The following MAGI2 variants were observed in gnomAD, a reference collection of about 807,000 sequenced individuals.
MAGI2 encodes membrane associated guanylate kinase, WW and PDZ domain containing 2.
Under a neutral mutation model 133.3 loss-of-function variants are expected in MAGI2, and 35 were observed. That is an observed-to-expected ratio of 0.26 (90% CI 0.20 to 0.35). MAGI2 has a LOEUF of 0.35. Ranked by LOEUF, MAGI2 falls within the 10% of genes least tolerant of loss-of-function variation. MAGI2 has a pLI of 1.00. For missense variants in MAGI2, 1,636 were observed against 1,863.4 expected (o/e 0.88, Z 2.25); for synonymous variants, 729 against 710.6 (o/e 1.03, Z -0.41).
rs1297490619 is a variant in MAGI2, at chr7:78,133,007, G to GCGCCATGGGACTCTGCTT, written c.3067_3084dup (p.Lys1023_Ala1028dup). On this transcript the variant is annotated inframe_insertion, in exon 18 of 22. Transcript: ENST00000354212. ...CTCTGCTGTGCCAGGGGACTCTGCT[G>GCGCCATGGGACTCTGCTT]CGCCATGGGACTCTGCTTCTCTGAG... The GCGCCATGGGACTCTGCTT allele has an allele frequency of 6.2e-7, 1 of 1,606,590 alleles. No homozygotes were observed. Among genetic ancestry groups the GCGCCATGGGACTCTGCTT allele is most frequent in the Non-Finnish European group, 8.5e-7 (1 of 1,177,416 alleles).
At chr7:78,466,020 T>G (rs766447149) in intron 6 of MAGI2, among the ~76,000 whole-genome samples, 1 of 152,190 alleles carries the variant, frequency 6.6e-6, no homozygotes, top group African/African-American at 2.4e-5. Context: ...CCTGACCTCT[T>G]TCATGGACCA....
intron 1 of MAGI2, among the ~76,000 whole-genome samples, chr7:79,323,150 G>A (rs1050990356): frequency 5.9e-5 from 9 of 151,996 alleles, no homozygotes; most frequent in South Asian, 2.1e-4. Context: ...TTTAAATGAC[G>A]TCCTCCTTCA....
At chr7:79,344,617 G>A (rs1841171027) in intron 1 of MAGI2, among the ~76,000 whole-genome samples, 2 of 152,160 alleles carry the variant, frequency 1.3e-5, no homozygotes, top group African/African-American at 4.8e-5. Context: ...AAGACAGTGA[G>A]TACCTAAATT....
chr7:79,087,812 G>A (rs1816664807), intron 1 of MAGI2, among the ~76,000 whole-genome samples: 1 of 152,008 alleles, frequency 6.6e-6, no homozygotes, highest in African/African-American at 2.4e-5. Flanking sequence ...TTGTAGATGT[G>A]TGGTGTTATT....
intron 2 of MAGI2, among the ~76,000 whole-genome samples, chr7:78,851,130 A>T (rs1444562356): frequency 6.6e-6 from 1 of 152,086 alleles, no homozygotes; most frequent in Non-Finnish European, 1.5e-5. Context: ...CGTAGAGAAG[A>T]TAAGAAAATA....
intron 1 of MAGI2, among the ~76,000 whole-genome samples, chr7:79,115,704 T>C (rs1021983165): frequency 3.3e-5 from 5 of 152,094 alleles, no homozygotes; most frequent in South Asian, 2.1e-4. Context: ...AGACTCCTAA[T>C]AGATTTTTTT....
chr7:79,357,813 G>C (rs1842124075), intron 1 of MAGI2, among the ~76,000 whole-genome samples: 1 of 151,964 alleles, frequency 6.6e-6, no homozygotes, highest in Non-Finnish European at 1.5e-5. Flanking sequence ...TAACCTCTTT[G>C]AATTTTATTT....
intron 20 of MAGI2, among the ~76,000 whole-genome samples, chr7:78,110,765 A>G (rs1819280072): frequency 6.6e-6 from 1 of 152,212 alleles, no homozygotes; most frequent in Non-Finnish European, 1.5e-5. Flanking sequence ...TCTGAGTTCA[A>G]CACAGCCAGA....
intron 9 of MAGI2, among the ~76,000 whole-genome samples, chr7:78,320,071 C>A (rs1212014079): frequency 1.3e-5 from 2 of 152,094 alleles, no homozygotes; most frequent in African/African-American, 2.4e-5. Context: ...CGAGTCTAAA[C>A]CAGGAAGAAT....
chr7:78,530,859 G>T (rs558130625), intron 3 of MAGI2, among the ~76,000 whole-genome samples: 188 of 152,196 alleles, frequency 1.2e-3, no homozygotes, highest in African/African-American at 4.4e-3. Context: ...GGCTTCATAG[G>T]CTCCATATGA....
At chr7:79,211,799 A>G (rs1829520378) in intron 1 of MAGI2, among the ~76,000 whole-genome samples, 1 of 152,066 alleles carries the variant, frequency 6.6e-6, no homozygotes, top group South Asian at 2.1e-4. Flanking sequence ...GGCGAGGGCT[A>G]TTATCAATTT....
At chr7:78,833,693 T>A (rs1409873318) in intron 2 of MAGI2, among the ~76,000 whole-genome samples, 1 of 152,144 alleles carries the variant, frequency 6.6e-6, no homozygotes, top group East Asian at 1.9e-4. Flanking sequence ...ACTTAACTCT[T>A]CCATTGTTCT....
chr7:78,871,252 C>T (rs941882754), intron 2 of MAGI2, among the ~76,000 whole-genome samples: 3 of 152,056 alleles, frequency 2.0e-5, no homozygotes, highest in African/African-American at 4.8e-5. Flanking sequence ...CGAAGCTTGC[C>T]GTGAGCCAAG....
chr7:78,188,114 C>T (rs557204998), intron 12 of MAGI2, among the ~76,000 whole-genome samples: 6 of 152,094 alleles, frequency 3.9e-5, no homozygotes, highest in African/African-American at 1.2e-4. Flanking sequence ...TGTGTCCTAC[C>T]ACAACTTTTA....
intron 6 of MAGI2, among the ~76,000 whole-genome samples, chr7:78,469,622 G>A (rs562564066): frequency 5.9e-5 from 9 of 152,060 alleles, no homozygotes; most frequent in African/African-American, 1.7e-4. Flanking sequence ...AGTTAATTTT[G>A]TTTCTCCCAA....
intron 6 of MAGI2, among the ~76,000 whole-genome samples, chr7:78,456,343 C>T (rs890700206): frequency 6.6e-6 from 1 of 152,126 alleles, no homozygotes; most frequent in South Asian, 2.1e-4. Flanking sequence ...CTCCCTTAAA[C>T]GTCCTTTTAA....
intron 2 of MAGI2, among the ~76,000 whole-genome samples, chr7:78,821,403 G>A (rs1429859357): frequency 6.6e-6 from 1 of 151,950 alleles, no homozygotes; most frequent in Admixed American, 6.6e-5. Context: ...TCAATAACAG[G>A]TTGATAAGTA....
chr7:78,586,352 A>G (rs911680804), intron 3 of MAGI2, among the ~76,000 whole-genome samples: 6 of 152,178 alleles, frequency 3.9e-5, no homozygotes, highest in Admixed American at 6.5e-5. Flanking sequence ...TCCAGCTAAG[A>G]GTCCCCCCCA....
intron 3 of MAGI2, among the ~76,000 whole-genome samples, chr7:78,583,914 A>T (rs1304562377): frequency 6.6e-6 from 1 of 152,140 alleles, no homozygotes; most frequent in Non-Finnish European, 1.5e-5. Flanking sequence ...AATGGAGACA[A>T]TTTCACCTTC....
Sources: allele counts gnomAD v4.1 joint callset (sites outside exome capture counted in the v4.1 genomes callset), GRCh38; gene constraint gnomAD v4.1.1; transcripts MANE v1.5; gene names NCBI Gene and HGNC (gene_info 2026-07-23, HGNC 2026-07-21).